Variants in INTS14 observed in about 807,000 individuals in gnomAD.
The protein encoded by INTS14 is UPF0464 protein C15orf44.
In INTS14, 27 loss-of-function variants were observed where a neutral mutation model predicts 56.9. The ratio of observed to expected loss-of-function variants is 0.47; its 90% CI spans 0.35 to 0.65. INTS14 has a LOEUF of 0.65. Among genes scored for constraint, INTS14 ranks in the 30% least tolerant of loss-of-function variants. INTS14 has a pLI of 0.00. For missense variants in INTS14, 517 were observed against 632.2 expected, an observed-to-expected ratio of 0.82 and a Z score of 1.95; for synonymous variants, 207 against 236.2, an observed-to-expected ratio of 0.88 and a Z score of 1.13.
At chr15:65,610,638 C>T in intron 1 of INTS14, 2 of 1,514,652 alleles carry the variant, frequency 1.3e-6, no homozygotes, top group Non-Finnish European at 1.8e-6. Flanking sequence ...TGATTCTCAG[C>T]AGTCTCGCTC....
intron 10 of INTS14, among the ~76,000 whole-genome samples, chr15:65,583,197 C>T (rs1013869420): frequency 6.6e-6 from 1 of 152,022 alleles, no homozygotes; most frequent in African/African-American, 2.4e-5. Context: ...AATATATACC[C>T]AAGAGTATTG....
chr15:65,596,259 G>A (rs536379016), intron 6 of INTS14, among the ~76,000 whole-genome samples: 1 of 152,152 alleles, frequency 6.6e-6, no homozygotes, highest in East Asian at 1.9e-4. Flanking sequence ...ACAAAACTAG[G>A]GTAAGCAGTC....
intron 7 of INTS14, among the ~76,000 whole-genome samples, chr15:65,594,605 T>C (rs973838602): frequency 4.0e-5 from 6 of 148,398 alleles, no homozygotes; most frequent in African/African-American, 2.5e-5. Context: ...GGTTTTACCA[T>C]GTTAGTCAGG....
chr15:65,605,258 T>C (rs777792650), intron 2 of INTS14, 22 bp from the exon 3 acceptor site: 3 of 1,569,268 alleles, frequency 1.9e-6, no homozygotes, highest in East Asian at 2.2e-5. Flanking sequence ...AAAGATAAAA[T>C]TGCTAGTTAC....
At chr15:65,603,380 A>G (rs2073512679) in intron 3 of INTS14, among the ~76,000 whole-genome samples, 1 of 152,040 alleles carries the variant, frequency 6.6e-6, no homozygotes, top group Admixed American at 6.6e-5. Flanking sequence ...TCGTGTAACC[A>G]CCCCCACAAA....
chr15:65,591,401 T>C (rs1231215623), intron 9 of INTS14, among the ~76,000 whole-genome samples, 197 bp downstream of exon 9: 4 of 152,334 alleles, frequency 2.6e-5, no homozygotes, highest in Non-Finnish European at 1.5e-5. Context: ...TAAATGTTGA[T>C]TTCTCCTGAG....
chr15:65,589,108 A>G (rs747307351), intron 9 of INTS14, among the ~76,000 whole-genome samples: 16 of 152,232 alleles, frequency 1.1e-4, no homozygotes, highest in Non-Finnish European at 1.8e-4. Context: ...TCTGAATGCT[A>G]CTACTATCTT....
intron 7 of INTS14, 146 bp from the exon 8 acceptor site, chr15:65,593,718 G>A: frequency 2.1e-6 from 2 of 958,670 alleles, no homozygotes; most frequent in Non-Finnish European, 2.8e-6. Context: ...ACTCATTCCA[G>A]TTTTCCAATA....
chr15:65,601,423 A>C (rs1596261802), intron 3 of INTS14, among the ~76,000 whole-genome samples: 2 of 152,048 alleles, frequency 1.3e-5, no homozygotes, highest in South Asian at 2.1e-4. Flanking sequence ...GCTCACTGCA[A>C]CCTCCGCCTC....
intron 10 of INTS14, among the ~76,000 whole-genome samples, chr15:65,583,627 G>A (rs963502494): frequency 6.6e-6 from 1 of 152,104 alleles, no homozygotes; most frequent in African/African-American, 2.4e-5. Flanking sequence ...CATTGTGAAT[G>A]TACTAAATGG....
chr15:65,604,249 A>G (rs925393571), intron 3 of INTS14, among the ~76,000 whole-genome samples: 1 of 152,054 alleles, frequency 6.6e-6, no homozygotes, highest in Non-Finnish European at 1.5e-5. Flanking sequence ...CACCCAGCTA[A>G]TTTTTGTATT....
chr15:65,610,825 C>T, intron 1 of INTS14: 1 of 1,534,434 alleles, frequency 6.5e-7, no homozygotes, highest in Non-Finnish European at 8.7e-7. Context: ...AATGTGGGAT[C>T]TGGAAGTCTC....
intron 6 of INTS14, among the ~76,000 whole-genome samples, chr15:65,597,886 T>C (rs868410685): frequency 3.3e-5 from 5 of 152,194 alleles, no homozygotes; most frequent in Non-Finnish European, 5.9e-5. Flanking sequence ...CTGATGACCT[T>C]ACCATAAAAG....
Position 65,592,756 on chromosome 15 carries a change from G to A in INTS14, c.986+672C>T, listed in dbSNP as rs758072986. On this transcript the variant is annotated intron_variant, in intron 8 of 11. Coordinates refer to ENST00000313182, the MANE Select transcript of INTS14 (RefSeq NM_001394796.1). ...TTATTAGCATCTTTTTTTTTGTTTC[G>A]TTCTATCCCCTCATTTTATAGATGA... 4.6e-5 allele frequency among the ~76,000 whole-genome samples: 7 copies of A among 151,554 alleles called. 1 individual carries two copies. The highest frequency in any genetic ancestry group is 3.9e-4 in the East Asian group (2 of 5,194).
intron 9 of INTS14, among the ~76,000 whole-genome samples, 165 bp downstream of exon 9, chr15:65,591,433 A>T (rs1410521679): frequency 6.6e-6 from 1 of 152,200 alleles, no homozygotes; most frequent in Non-Finnish European, 1.5e-5. Context: ...AGGAGTTCAA[A>T]CATCAAACTC....
intron 9 of INTS14, among the ~76,000 whole-genome samples, chr15:65,587,521 C>T (rs1395803029): frequency 2.0e-5 from 3 of 152,146 alleles, no homozygotes; most frequent in African/African-American, 7.2e-5. Context: ...ATAACATTTA[C>T]ATCATGTAAC....
chr15:65,593,094 A>AT lies in INTS14; in HGVS notation c.986+333dup, dbSNP rs201987821. Among the ~76,000 whole-genome samples the AT allele has an allele frequency of 1.4e-4, 20 of 139,558 alleles. No individual in the cohort carries two copies. The East Asian group carries it at 2.2e-3, about 15-fold the overall frequency. 91.6% of individuals were successfully genotyped at this position (139,558 alleles called of 152,430 possible). ...ACACAGTGAGACCCCACTTCTATAA[A>AT]TTAAAAAAAAAAAAAAAAAATTAGC... is the stretch of plus-strand genomic sequence containing the variant. On this transcript the variant is annotated intron_variant, in intron 8 of 11. Coordinates refer to ENST00000313182, the MANE Select transcript of INTS14 (RefSeq NM_001394796.1).
intron 6 of INTS14, among the ~76,000 whole-genome samples, chr15:65,596,604 C>T (rs1208040557): frequency 6.6e-6 from 1 of 152,072 alleles, no homozygotes; most frequent in East Asian, 1.9e-4. Context: ...GAGTTTCGCT[C>T]TTGTTGCCCA....
At chr15:65,606,641 T>C (rs757916434) in intron 2 of INTS14, among the ~76,000 whole-genome samples, 15 of 152,164 alleles carry the variant, frequency 9.9e-5, no homozygotes, top group Non-Finnish European at 1.0e-4. Context: ...TTTAGAGATG[T>C]TGTCAGAAAG....
Sources: allele counts gnomAD v4.1 joint callset (sites outside exome capture counted in the v4.1 genomes callset), GRCh38; gene constraint gnomAD v4.1.1; transcripts MANE v1.5; gene names NCBI Gene and HGNC (gene_info 2026-07-23, HGNC 2026-07-21).